The following COL18A1 variants were observed in gnomAD, a reference collection of about 807,000 sequenced individuals.
The protein encoded by COL18A1 is collagen type XVIII alpha 1 chain.
Under a neutral mutation model 168.0 loss-of-function variants are expected in COL18A1, and 133 were observed. The observed-to-expected ratio is 0.79, with a 90% confidence interval of 0.69 to 0.91. COL18A1 has a LOEUF of 0.91. COL18A1 is among the 40% of genes least tolerant of loss of function. The pLI, the probability that COL18A1 is intolerant of heterozygous loss-of-function variation, is 0.00. For synonymous variants in COL18A1, 949 were observed against 809.0 expected, an observed-to-expected ratio of 1.17 and a Z score of -2.94; for missense variants, 2,126 against 1,925.4, an observed-to-expected ratio of 1.10 and a Z score of -1.95.
intron 32 of COL18A1, among the ~76,000 whole-genome samples, chr21:45,499,057 GAGC>G: frequency 6.6e-6 from 1 of 152,214 alleles, no homozygotes; most frequent in African/African-American, 2.4e-5. Context: ...GGAAGGCTCA[GAGC>G]ATTCCCCTCA....
chr21:45,498,891 C>G lies in COL18A1; in HGVS notation c.2683+1230C>G, dbSNP rs1020247846. Among the ~76,000 whole-genome samples, 1 of 152,164 alleles carries G rather than the reference C, an allele frequency of 6.6e-6. No homozygotes were observed. ...GGAAGCTCAGAGGTGTCAGGATGAA[C>G]CTGGGGCTGAAGGCGGAACAGTTGG... On this transcript the variant is annotated intron_variant, in intron 32 of 41. Transcript: ENST00000651438. This position sits in a 1 kb window ranked among gnomAD's most constrained non-coding sequence, Gnocchi z 4.5.
intron 15 of COL18A1, among the ~76,000 whole-genome samples, chr21:45,485,482 C>G (rs1047001404): frequency 3.4e-5 from 5 of 149,062 alleles, no homozygotes; most frequent in Admixed American, 1.3e-4. Context: ...GGCAACAGAG[C>G]GAGACCCTGT....
intron 2 of COL18A1, among the ~76,000 whole-genome samples, chr21:45,412,657 C>T (rs945251941): frequency 6.6e-6 from 1 of 152,208 alleles, no homozygotes. Flanking sequence ...GGCACACAGA[C>T]AATGGAGCTG....
intron 15 of COL18A1, among the ~76,000 whole-genome samples, chr21:45,485,523 A>T (rs1319971304): frequency 6.6e-6 from 1 of 152,168 alleles, no homozygotes; most frequent in East Asian, 1.9e-4. Context: ...TAGATTTTTA[A>T]AGACGATAAA....
At chr21:45,509,231 GGCGCAGCTCCCTGCTTGCCAGTTCAGA>G in intron 38 of COL18A1, 98 bp from the exon 39 acceptor site, 1 of 1,319,596 alleles carries the variant, frequency 7.6e-7, no homozygotes. Flanking sequence ...CAGAGTCGGG[GGCGCAGCTCCCTGCTTGCCAGTTCAGA>G]GCCCAGCCCC....
chr21:45,433,687 C>T (rs1264312333), intron 2 of COL18A1, among the ~76,000 whole-genome samples: 2 of 152,234 alleles, frequency 1.3e-5, no homozygotes, highest in Non-Finnish European at 2.9e-5. Context: ...GCTCACATTC[C>T]TGAGCTCTTG....
chr21:45,480,006 C>A (rs1487287013), intron 10 of COL18A1, 42 bp downstream of exon 10: 2 of 1,613,442 alleles, frequency 1.2e-6, no homozygotes, highest in African/African-American at 1.3e-5. Flanking sequence ...CTGTGTTGGC[C>A]CTTGGCTCAA....
At chr21:45,415,537 G>C (rs1443204067) in intron 2 of COL18A1, among the ~76,000 whole-genome samples, 1 of 152,206 alleles carries the variant, frequency 6.6e-6, no homozygotes, top group Non-Finnish European at 1.5e-5. Flanking sequence ...TGTGAATGGA[G>C]CCCCCCTTCC....
intron 15 of COL18A1, 67 bp downstream of exon 15, chr21:45,482,888 A>C (rs1244420185): frequency 6.2e-7 from 1 of 1,611,026 alleles, no homozygotes; most frequent in Non-Finnish European, 8.5e-7. Context: ...CGGACCCCCA[A>C]AGAGGGTGGC....
intron 2 of COL18A1, among the ~76,000 whole-genome samples, chr21:45,433,958 CA>C (rs368401948): frequency 2.4e-3 from 359 of 152,072 alleles, no homozygotes; most frequent in African/African-American, 6.7e-3. Context: ...AAGAGACCAT[CA>C]GGGGCGGAGG....
At chr21:45,458,263 C>T (rs998204413) in intron 2 of COL18A1, among the ~76,000 whole-genome samples, 6 of 150,102 alleles carry the variant, frequency 4.0e-5, no homozygotes, top group East Asian at 3.9e-4. Flanking sequence ...GGGCCGTGCC[C>T]GCGGCTGTTG....
rs561841834 is a variant in COL18A1, at chr21:45,468,531, C to T, written c.396C>T (p.His132=). The T allele has an allele frequency of 3.7e-6, 6 of 1,613,390 alleles. No individual in the cohort carries two copies. The highest frequency in any genetic ancestry group is 3.3e-5 in the South Asian group (3 of 91,076). The change falls in exon 3 of 42, where the codon CAC becomes CAT. Residue 132 remains histidine, a synonymous_variant. Transcript: ENST00000651438. ...GVKLSGVQDG[H]QDISLLYTEP... ...AGCTCTCTGGGGTGCAGGACGGGCA[C>T]CAGGACATCTCCCTGCTCTACACAG... is the stretch of plus-strand genomic sequence containing the variant.
chr21:45,475,086 C>T (rs1213163250), intron 4 of COL18A1, among the ~76,000 whole-genome samples: 1 of 152,170 alleles, frequency 6.6e-6, no homozygotes, highest in Non-Finnish European at 1.5e-5. Context: ...GCCGCCTTGG[C>T]GCGTGTTCGG....
Position 45,505,833 on chromosome 21 carries a change from A to G in COL18A1, c.3088-5A>G. On this transcript the variant is annotated splice_polypyrimidine_tract_variant and splice_region_variant and intron_variant, in intron 36 of 41. Transcript: ENST00000651438. ...GCCCCACACCTCTGCATTTGGTCCC[A>G]GCAGGTGAGGCTCTGGGCTACACGC... 6.4e-7 allele frequency: 1 copy of G among 1,573,666 alleles called. No individual in the cohort carries two copies. Among genetic ancestry groups the G allele is most frequent in the Non-Finnish European group, 8.6e-7 (1 of 1,159,238 alleles).
At chr21:45,504,703 TGG>T (rs1204469850) in intron 34 of COL18A1, 147 bp downstream of exon 34, 1 of 719,062 alleles carries the variant, frequency 1.4e-6, no homozygotes, top group African/African-American at 1.8e-5. Context: ...TGTCCCCGTG[TGG>T]GGACGCAGCA....
At chr21:45,447,045 T>G (rs1232881273) in intron 2 of COL18A1, among the ~76,000 whole-genome samples, 1 of 152,166 alleles carries the variant, frequency 6.6e-6, no homozygotes, top group Non-Finnish European at 1.5e-5. Flanking sequence ...GCTTTCCTCC[T>G]AAGATCAGGA....
In COL18A1 at chr21:45,473,870, G is replaced by C; in HGVS notation, c.652-25G>C. ...CCACTGCCACCTCAGGACCGCTGGT[G>C]ACCCCTTTCTCTGTCTGCATTTAGG... On this transcript the variant is annotated intron_variant, in intron 3 of 41. Coordinates refer to ENST00000651438, the MANE Select transcript of COL18A1 (RefSeq NM_001379500.1). This position sits in a 1 kb window ranked among gnomAD's most constrained non-coding sequence, Gnocchi z 4.0. The C allele has an allele frequency of 1.9e-6, 3 of 1,571,732 alleles. No individual in the cohort carries two copies. Among genetic ancestry groups the C allele is most frequent in the Non-Finnish European group, 2.6e-6 (3 of 1,157,062 alleles).
At chr21:45,495,139 G>A (rs1234908023) in intron 28 of COL18A1, 31 of 646,584 alleles carry the variant, frequency 4.8e-5, no homozygotes, top group Non-Finnish European at 4.7e-5. Context: ...GGCAGACAGG[G>A]CAGTGGGCCT....
intron 2 of COL18A1, among the ~76,000 whole-genome samples, chr21:45,428,926 C>T (rs9974361): frequency 0.44 from 65,325 of 149,638 alleles, 17,512 homozygotes; most frequent in African/African-American, 0.76. Context: ...TAATTTGAGA[C>T]GGAGTCTTGC....
Sources: gnomAD v4.1 joint callset for allele counts (sites outside exome capture counted in the v4.1 genomes callset) on GRCh38, gnomAD v4.1.1 for gene constraint, Gnocchi (gnomAD v3.1) non-coding constraint, MANE v1.5 for transcripts, NCBI Gene and HGNC (gene_info 2026-07-23, HGNC 2026-07-21) for gene names.